UVRAG: variants seen among roughly 807,000 people sequenced by gnomAD.
The protein encoded by UVRAG is UV radiation resistance-associated gene protein.
In UVRAG, 19 loss-of-function variants were observed where a neutral mutation model predicts 78.0. The observed-to-expected ratio is 0.24, with a 90% CI of 0.17 to 0.36. UVRAG has a LOEUF of 0.36. Ranked by LOEUF, UVRAG falls within the 10% of genes least tolerant of loss-of-function variation. The probability of loss-of-function intolerance (pLI) is 1.00; values close to 1 mark genes in which losing one functional copy is unlikely to be tolerated. For synonymous variants in UVRAG, 323 were observed against 324.6 expected, an observed-to-expected ratio of 1.00 and a Z score of 0.05; for missense variants, 740 against 853.8, an observed-to-expected ratio of 0.87 and a Z score of 1.66.
chr11:75,841,328 C>A (rs1945902735), intron 1 of UVRAG, among the ~76,000 whole-genome samples: 1 of 151,882 alleles, frequency 6.6e-6, no homozygotes, highest in South Asian at 2.1e-4. Flanking sequence ...TTGTAACAAC[C>A]AATAAGCTAA....
chr11:76,109,851 A>G (rs1565164809), intron 13 of UVRAG, among the ~76,000 whole-genome samples: 1 of 152,194 alleles, frequency 6.6e-6, no homozygotes. Flanking sequence ...CAAGCAAGGA[A>G]GGAGTTTGCG....
intron 13 of UVRAG, among the ~76,000 whole-genome samples, chr11:76,093,788 A>G (rs945256108): frequency 6.6e-6 from 1 of 152,244 alleles, no homozygotes; most frequent in African/African-American, 2.4e-5. Context: ...TAGATATACA[A>G]TCATGTCATC....
intron 13 of UVRAG, among the ~76,000 whole-genome samples, chr11:76,075,300 CA>C (rs1166383320): frequency 6.6e-6 from 1 of 151,984 alleles, no homozygotes; most frequent in Admixed American, 6.6e-5. Context: ...ACATAACATA[CA>C]ATTAACCCAT....
Position 75,828,623 on chromosome 11 carries a change from C to CA in UVRAG, c.117+13100dup, listed in dbSNP as rs1370216353. Among the ~76,000 whole-genome samples the CA allele has an allele frequency of 1.2e-4, 18 of 149,966 alleles. No individual in the cohort carries two copies. The East Asian group carries it at 3.5e-3, about 29-fold the overall frequency. On this transcript the variant is annotated intron_variant, in intron 1 of 14. Transcript: ENST00000356136. The stretch of plus-strand genomic sequence containing the variant: ...CCTCCTGAGTAGCTGAGACTACAGG[C>CA]ACGCACCACCATGCCTGGCTAATTT...
intron 1 of UVRAG, among the ~76,000 whole-genome samples, chr11:75,820,849 G>C (rs61025505): frequency 0.17 from 25,782 of 152,042 alleles, 3,144 homozygotes; most frequent in African/African-American, 0.34. Flanking sequence ...ATTGCTTGAG[G>C]CAGGAGGATT....
intron 13 of UVRAG, among the ~76,000 whole-genome samples, chr11:76,093,175 G>A (rs2134431124): frequency 6.6e-6 from 1 of 152,212 alleles, no homozygotes; most frequent in East Asian, 1.9e-4. Context: ...TGAGGGCTCT[G>A]TTCTGTTCCA....
At chr11:75,840,672 A>G (rs1005168540) in intron 1 of UVRAG, among the ~76,000 whole-genome samples, 8 of 152,226 alleles carry the variant, frequency 5.3e-5, no homozygotes, top group African/African-American at 1.9e-4. Context: ...TTTGTGCCAG[A>G]GAAAGCTCTC....
intron 12 of UVRAG, among the ~76,000 whole-genome samples, chr11:76,026,025 G>A (rs1260057248): frequency 1.3e-5 from 2 of 152,108 alleles, no homozygotes; most frequent in Admixed American, 1.3e-4. Context: ...GTAGCAGTGA[G>A]CAGGCTGATT....
intron 5 of UVRAG, among the ~76,000 whole-genome samples, chr11:75,902,598 C>A (rs1590996504): frequency 1.3e-5 from 2 of 152,128 alleles, no homozygotes; most frequent in East Asian, 3.8e-4. Context: ...TCCAAGGTTG[C>A]TTTCTCTTCC....
intron 1 of UVRAG, among the ~76,000 whole-genome samples, chr11:75,817,244 GGGGCCAAGAA>G (rs1945279117): frequency 6.6e-6 from 1 of 152,200 alleles, no homozygotes; most frequent in East Asian, 1.9e-4. Context: ...AAGGAGTTCA[GGGGCCAAGAA>G]GGTTTTAGTT....
chr11:76,091,068 C>T (rs1281795113), intron 13 of UVRAG, among the ~76,000 whole-genome samples: 1 of 152,180 alleles, frequency 6.6e-6, no homozygotes, highest in Non-Finnish European at 1.5e-5. Flanking sequence ...CCTAAGAAAG[C>T]ATGCATGGAG....
chr11:75,858,099 T>G (rs1297258291), intron 2 of UVRAG, among the ~76,000 whole-genome samples: 1 of 152,040 alleles, frequency 6.6e-6, no homozygotes, highest in East Asian at 1.9e-4. Flanking sequence ...TGACACATAC[T>G]AGGCCTTCAA....
chr11:75,902,574 C>T (rs1241876841), intron 5 of UVRAG, among the ~76,000 whole-genome samples: 2 of 152,140 alleles, frequency 1.3e-5, no homozygotes, highest in African/African-American at 4.8e-5. Flanking sequence ...AAATGGAGCT[C>T]TTCATTTTTT....
chr11:76,013,430 T>G (rs1184642956), intron 11 of UVRAG, among the ~76,000 whole-genome samples: 2 of 152,270 alleles, frequency 1.3e-5, no homozygotes, highest in East Asian at 3.9e-4. Context: ...CCACTCCTGC[T>G]CCAACTTCTC....
intron 12 of UVRAG, among the ~76,000 whole-genome samples, chr11:76,034,940 A>G (rs1235102313): frequency 6.6e-6 from 1 of 152,172 alleles, no homozygotes; most frequent in African/African-American, 2.4e-5. Context: ...AATTAAACAC[A>G]CCAATAAGCA....
At chr11:75,916,839 C>T (rs1014171206) in intron 6 of UVRAG, 5 of 152,140 alleles carry the variant, frequency 3.3e-5, no homozygotes, top group African/African-American at 1.2e-4. Context: ...AAGTTAGTTC[C>T]TGTGTGGGGG....
At chr11:76,096,069 TGTGTAGCTTG>T (rs1027473188) in intron 13 of UVRAG, among the ~76,000 whole-genome samples, 2 of 152,128 alleles carry the variant, frequency 1.3e-5, no homozygotes, top group African/African-American at 4.8e-5. Context: ...AAGTGTCATT[TGTGTAGCTTG>T]TAGCCTGAGG....
chr11:75,872,231 T>G (rs1315958103), intron 3 of UVRAG, among the ~76,000 whole-genome samples: 1 of 152,194 alleles, frequency 6.6e-6, no homozygotes, highest in East Asian at 1.9e-4. Flanking sequence ...GGAAGATTAT[T>G]CAACCTTTTC....
chr11:75,833,838 T>C (rs10899140), intron 1 of UVRAG, among the ~76,000 whole-genome samples: 18,023 of 152,304 alleles, frequency 0.12, 1,206 homozygotes, highest in East Asian at 0.23. Flanking sequence ...CTCATGTTAT[T>C]GTTTGTGGTT....
Sources: gnomAD v4.1 joint callset for allele counts (sites outside exome capture counted in the v4.1 genomes callset) on GRCh38, gnomAD v4.1.1 for gene constraint, MANE v1.5 for transcripts, NCBI Gene and HGNC (gene_info 2026-07-23, HGNC 2026-07-21) for gene names.